Variants in ARHGEF10L observed in about 807,000 individuals in gnomAD.
The protein encoded by ARHGEF10L is rho guanine nucleotide exchange factor 10-like protein.
Under a neutral mutation model 141.2 loss-of-function variants are expected in ARHGEF10L, and 69 were observed. The observed-to-expected ratio is 0.49, with a 90% CI of 0.40 to 0.60. ARHGEF10L has a LOEUF of 0.60. ARHGEF10L is among the 20% of genes least tolerant of loss of function. The pLI is 0.00. For missense variants in ARHGEF10L, 1,482 were observed against 1,734.3 expected (o/e 0.85, Z 2.58); for synonymous variants, 711 against 718.5 (o/e 0.99, Z 0.17).
chr1:17,668,731 G>T (rs538771589), intron 26 of ARHGEF10L, among the ~76,000 whole-genome samples: 1 of 152,232 alleles, frequency 6.6e-6, no homozygotes, highest in Non-Finnish European at 1.5e-5. Context: ...GTTTCTGTTC[G>T]CTGCGCGGTG....
At chr1:17,645,334 C>T (rs1488714747) in intron 21 of ARHGEF10L, among the ~76,000 whole-genome samples, 1 of 151,852 alleles carries the variant, frequency 6.6e-6, no homozygotes, top group African/African-American at 2.4e-5. Context: ...CGTCCCCAGT[C>T]GCAGGCAGGG....
chr1:17,649,281 C>T (rs2061773543), intron 22 of ARHGEF10L, among the ~76,000 whole-genome samples: 1 of 152,246 alleles, frequency 6.6e-6, no homozygotes, highest in African/African-American at 2.4e-5. Context: ...CTGATCACAA[C>T]ACCCAGGGTC....
rs558234542 is a variant in ARHGEF10L, at chr1:17,590,305, C to A, written c.257+1826C>A. On this transcript the variant is annotated intron_variant, in intron 4 of 28. Coordinates refer to ENST00000361221, the MANE Select transcript of ARHGEF10L (RefSeq NM_018125.4). ...ATTTTTGCCCACTCAGAGATGATCT[C>A]TGAGCTCTTGGGAGAGTGGCGTCTA... is the stretch of plus-strand genomic sequence containing the variant. 3.9e-5 allele frequency among the ~76,000 whole-genome samples: 6 copies of A among 152,252 alleles called. No homozygotes were observed. The East Asian group carries it at 1.2e-3, about 29-fold the overall frequency.
chr1:17,544,061 C>T (rs1383176712), intron 1 of ARHGEF10L, among the ~76,000 whole-genome samples: 3 of 151,162 alleles, frequency 2.0e-5, no homozygotes, highest in African/African-American at 7.3e-5. Context: ...ATTCTCCTGC[C>T]TCAGCCTCTG....
intron 1 of ARHGEF10L, among the ~76,000 whole-genome samples, chr1:17,563,335 A>T (rs554975885): frequency 1.1e-4 from 16 of 152,064 alleles, no homozygotes; most frequent in Non-Finnish European, 2.1e-4. Flanking sequence ...CCCAGGCTCA[A>T]GTGATCCTCC....
At position 17,656,934 on chromosome 1, in the gene ARHGEF10L, T is replaced by G. The variant is rs747622956; in HGVS notation, c.2860+226T>G. Among the ~76,000 whole-genome samples, 1 of 152,176 alleles carries G rather than the reference T, an allele frequency of 6.6e-6. No homozygotes were observed. On this transcript the variant is annotated intron_variant, in intron 25 of 28. Coordinates refer to ENST00000361221, the MANE Select transcript of ARHGEF10L (RefSeq NM_018125.4). The surrounding 1 kb of genome is among the most constrained non-coding windows in gnomAD (Gnocchi z 4.9). ...TCACTACCATGTGGGCAGTGGAACC[T>G]GTTGACAGGAGACTGTAGTGGATAA...
At chr1:17,528,473 T>G in the ARHGEF10L span, among the ~76,000 whole-genome samples, 1 of 152,130 alleles carries the variant, frequency 6.6e-6, no homozygotes. Flanking sequence ...CACCTCGACC[T>G]CTTAAAGTGT....
chr1:17,622,896 C>T, intron 11 of ARHGEF10L, 100 bp from the exon 12 acceptor site: 1 of 1,297,190 alleles, frequency 7.7e-7, no homozygotes, highest in Non-Finnish European at 1.1e-6. Flanking sequence ...CCCTCCGTGC[C>T]ACGGGAAGGC....
chr1:17,598,814 C>T (rs535736711), intron 4 of ARHGEF10L, among the ~76,000 whole-genome samples: 1 of 151,428 alleles, frequency 6.6e-6, no homozygotes, highest in East Asian at 1.9e-4. Flanking sequence ...CAGGCAAGAT[C>T]TGAGGTAACC....
At chr1:17,525,552 A>T in the ARHGEF10L span, among the ~76,000 whole-genome samples, 1 of 152,140 alleles carries the variant, frequency 6.6e-6, no homozygotes, top group East Asian at 1.9e-4. Flanking sequence ...CCAGCTACTC[A>T]GGAGGCTGAG....
chr1:17,555,254 C>CT (rs11365162), intron 1 of ARHGEF10L, among the ~76,000 whole-genome samples: 83 of 149,090 alleles, frequency 5.6e-4, no homozygotes, highest in Admixed American at 1.6e-3. Flanking sequence ...GTATTGAATG[C>CT]TTTTTTTTTT....
rs553790241 is a variant in ARHGEF10L, at chr1:17,673,525, T to A, written c.3009+8930T>A. On this transcript the variant is annotated intron_variant, in intron 26 of 28. Coordinates refer to ENST00000361221, the MANE Select transcript of ARHGEF10L (RefSeq NM_018125.4). This position sits in a 1 kb window ranked among gnomAD's most constrained non-coding sequence, Gnocchi z 4.1. The stretch of plus-strand genomic sequence containing the variant: ...TCCCTCCCTGGGTGGTTGGGAAGAA[T>A]GAATGAGGTCACATGTGCAGAGGGT... Among the ~76,000 whole-genome samples, 9 of 152,256 alleles carry A rather than the reference T, an allele frequency of 5.9e-5. No homozygotes were observed. The highest frequency in any genetic ancestry group is 2.6e-4 in the Admixed American group (4 of 15,306).
chr1:17,681,739 A>G (rs1438308486), intron 26 of ARHGEF10L, among the ~76,000 whole-genome samples: 4 of 152,108 alleles, frequency 2.6e-5, no homozygotes, highest in Non-Finnish European at 1.5e-5. Flanking sequence ...CTCTCCTTCT[A>G]AAGGTGCTGG....
At chr1:17,687,107 G>A (rs12753636) in intron 26 of ARHGEF10L, among the ~76,000 whole-genome samples, 27,809 of 151,914 alleles carry the variant, frequency 0.18, 2,832 homozygotes, top group African/African-American at 0.26. Context: ...TCATTCTCTC[G>A]GTTGCCTTTG....
At chr1:17,653,485 T>A (rs1460316024) in intron 22 of ARHGEF10L, among the ~76,000 whole-genome samples, 4 of 152,182 alleles carry the variant, frequency 2.6e-5, no homozygotes, top group Non-Finnish European at 4.4e-5. Flanking sequence ...TGCCGTGGCC[T>A]CGTCTCCACC....
chr1:17,642,540 G>A (rs2061383581), intron 21 of ARHGEF10L, among the ~76,000 whole-genome samples: 1 of 152,058 alleles, frequency 6.6e-6, no homozygotes, highest in Non-Finnish European at 1.5e-5. Context: ...TGTGGGGAGA[G>A]GGCATGGGAG....
intron 7 of ARHGEF10L, 101 bp downstream of exon 7, chr1:17,608,078 C>T: frequency 1.6e-6 from 2 of 1,228,302 alleles, no homozygotes; most frequent in Non-Finnish European, 2.1e-6. Context: ...AGGCCTAGGA[C>T]TCACGTCTGG....
intron 27 of ARHGEF10L, among the ~76,000 whole-genome samples, chr1:17,690,425 C>T (rs1041467058): frequency 7.9e-5 from 12 of 152,260 alleles, no homozygotes; most frequent in African/African-American, 2.2e-4. Context: ...AAGCCAGCAG[C>T]GGTCCATGAT....
At chr1:17,648,463 C>T (rs1557927020) in intron 21 of ARHGEF10L, 91 bp from the exon 22 acceptor site, 8 of 1,521,170 alleles carry the variant, frequency 5.3e-6, no homozygotes, top group East Asian at 2.3e-5. Flanking sequence ...CTGGGGCCTG[C>T]AGTGGCTCCC....
Sources: gnomAD v4.1 joint callset for allele counts (sites outside exome capture counted in the v4.1 genomes callset) on GRCh38, gnomAD v4.1.1 for gene constraint, Gnocchi (gnomAD v3.1) non-coding constraint, MANE v1.5 for transcripts, NCBI Gene and HGNC (gene_info 2026-07-23, HGNC 2026-07-21) for gene names.